Variants in TDP1 observed in about 807,000 individuals in gnomAD.
The protein encoded by TDP1 is tyrosyl-DNA phosphodiesterase 1.
In TDP1, 64 loss-of-function variants were observed where a neutral mutation model predicts 81.5. The ratio of observed to expected loss-of-function variants is 0.79; its 90% CI spans 0.64 to 0.97. The LOEUF (loss-of-function observed/expected upper bound fraction) is 0.97, where lower values mean the gene tolerates loss of function less well. Ranked by LOEUF, TDP1 falls within the 50% of genes least tolerant of loss-of-function variation. TDP1 has a pLI of 0.00. For missense variants in TDP1, 723 were observed against 743.8 expected (o/e 0.97, Z 0.33); for synonymous variants, 256 against 264.3 (o/e 0.97, Z 0.30).
intron 7 of TDP1, among the ~76,000 whole-genome samples, chr14:89,976,128 TGTG>T (rs1458051004): frequency 6.6e-6 from 1 of 152,174 alleles, no homozygotes; most frequent in African/African-American, 2.4e-5. Flanking sequence ...TTTTTCAAGA[TGTG>T]GTCTCACTCT....
Position 90,041,216 on chromosome 14 carries a change from G to A in TDP1, c.1754-1854G>A, listed in dbSNP as rs1277045743. Among the ~76,000 whole-genome samples, 4 of 152,330 alleles carry A rather than the reference G, an allele frequency of 2.6e-5. No homozygotes were observed. The East Asian group carries it at 5.8e-4, about 22-fold the overall frequency. On this transcript the variant is annotated intron_variant, in intron 16 of 16. Transcript: ENST00000335725. ...AGTCCAAGCACAGATGGAGTTTCCA[G>A]TGGAAGAGAGCAAGGGCTTGCTGAG...
chr14:90,028,558 T>G (rs1886911546), intron 15 of TDP1, among the ~76,000 whole-genome samples: 1 of 152,250 alleles, frequency 6.6e-6, no homozygotes, highest in South Asian at 2.1e-4. Context: ...AACTGTCTTC[T>G]AAGTATCTGT....
intron 3 of TDP1, among the ~76,000 whole-genome samples, chr14:89,965,402 T>C (rs752237340): frequency 1.3e-5 from 2 of 152,038 alleles, no homozygotes; most frequent in Non-Finnish European, 2.9e-5. Flanking sequence ...TCCTCCGATA[T>C]AAAATAGAAA....
Position 89,963,230 on chromosome 14 carries a change from G to T in TDP1, c.116G>T (p.Gly39Val). 1 of 1,614,140 alleles carries T rather than the reference G, an allele frequency of 6.2e-7. No individual in the cohort carries two copies. Among genetic ancestry groups the T allele is most frequent in the Non-Finnish European group, 8.5e-7 (1 of 1,180,028 alleles). ...STSSLLCARQGAANEPRYTCS... is the reference protein window; with the variant it reads ...STSSLLCARQVAANEPRYTCS... ...TCTTCTCTTCTCTGTGCCAGGCAAG[G>T]AGCAGCAAATGAGCCCAGGTACACC... The change falls in exon 3 of 17, where the codon GGA becomes GTA. Residue 39 changes from glycine (G) to valine (V), a missense_variant. By Grantham distance (109) the Gly-to-Val change is moderately radical. Coordinates refer to ENST00000335725, the MANE Select transcript of TDP1 (RefSeq NM_018319.4).
At chr14:89,985,092 A>G (rs749294436) in intron 9 of TDP1, 40 bp from the exon 10 acceptor site, 2 of 1,512,696 alleles carry the variant, frequency 1.3e-6, no homozygotes, top group Admixed American at 3.4e-5. Flanking sequence ...CCCAAAGCAC[A>G]TCACTATATT....
At chr14:89,985,770 T>G (rs893603294) in intron 10 of TDP1, among the ~76,000 whole-genome samples, 2 of 152,204 alleles carry the variant, frequency 1.3e-5, no homozygotes, top group Non-Finnish European at 2.9e-5. Flanking sequence ...GGCTCACGCC[T>G]GTAATCCCAG....
Position 89,985,139 on chromosome 14 carries a change from C to G in TDP1, c.1060C>G (p.Leu354Val). The part of the protein sequence containing the change: ...KHDLSETNVY[L>V]IGSTPGRFQG... ...GTTTTTATGTCTTTTTAGTGTTTAT[C>G]TTATTGGTTCAACCCCAGGACGCTT... The change falls in exon 10 of 17, where the codon CTT (leucine) becomes GTT (valine). Residue 354 changes from leucine to valine, a missense_variant. Coordinates refer to ENST00000335725, the MANE Select transcript of TDP1 (RefSeq NM_018319.4). 1 of 1,609,624 alleles carries G rather than the reference C, an allele frequency of 6.2e-7. No individual in the cohort carries two copies. The highest frequency in any genetic ancestry group is 8.5e-7 in the Non-Finnish European group (1 of 1,177,232).
chr14:90,026,850 A>C (rs1339773673), intron 15 of TDP1, among the ~76,000 whole-genome samples: 1 of 152,196 alleles, frequency 6.6e-6, no homozygotes, highest in Non-Finnish European at 1.5e-5. Context: ...TTCTTCATCC[A>C]GTCTATCATT....
Position 89,985,114 on chromosome 14 carries a change from G to A in TDP1, c.1053-18G>A. 1 of 1,591,868 alleles carries A rather than the reference G, an allele frequency of 6.3e-7. No individual in the cohort carries two copies. The highest frequency in any genetic ancestry group is 8.6e-7 in the Non-Finnish European group (1 of 1,162,564). ...CACATCACTATATTTTATAACTTGT[G>A]TTTTTATGTCTTTTTAGTGTTTATC... On this transcript the variant is annotated intron_variant, in intron 9 of 16. Transcript: ENST00000335725.
Position 90,043,920 on chromosome 14 carries a change from G to A in TDP1, c.*777G>A, listed in dbSNP as rs922062893. On this transcript the variant is annotated 3_prime_UTR_variant, in exon 17 of 17. Coordinates refer to ENST00000335725, the MANE Select transcript of TDP1 (RefSeq NM_018319.4). ...CACGATCATTTCCTTTTTCACCGAT[G>A]CCCTCTCTCAGCTTTCTGAGTACGT... 1 of 152,244 alleles carries A rather than the reference G, an allele frequency of 6.6e-6. No individual in the cohort carries two copies. Among genetic ancestry groups the A allele is most frequent in the African/African-American group, 2.4e-5 (1 of 41,438 alleles). The allele number at this position is 152,244 out of a possible 1,614,324, so 9.4% of individuals were successfully genotyped here. A position where few individuals can be genotyped will look rare whatever the true frequency, so the allele number is the denominator to read the frequency against.
chr14:89,992,901 A>C, intron 13 of TDP1: 1 of 983,874 alleles, frequency 1.0e-6, no homozygotes, highest in Non-Finnish European at 1.2e-6. Context: ...CATTTGACTA[A>C]AGTATTTCTG....
At chr14:90,042,334 C>G (rs913259349) in intron 16 of TDP1, among the ~76,000 whole-genome samples, 4 of 152,160 alleles carry the variant, frequency 2.6e-5, no homozygotes, top group Non-Finnish European at 5.9e-5. Context: ...CCTTTTCTGT[C>G]TGCCAGATAC....
At chr14:90,000,664 C>T (rs1418089898) in intron 14 of TDP1, among the ~76,000 whole-genome samples, 1 of 152,214 alleles carries the variant, frequency 6.6e-6, no homozygotes, top group Non-Finnish European at 1.5e-5. Flanking sequence ...GGATTATAGG[C>T]ATGAACTACT....
intron 15 of TDP1, among the ~76,000 whole-genome samples, chr14:90,029,515 T>TTTTG (rs1887038117): frequency 6.8e-6 from 1 of 146,172 alleles, no homozygotes; most frequent in African/African-American, 2.6e-5. Context: ...TTTTTTTTTT[T>TTTTG]GAGACAGAGT....
At chr14:90,021,289 G>A (rs953292541) in intron 15 of TDP1, among the ~76,000 whole-genome samples, 3 of 152,084 alleles carry the variant, frequency 2.0e-5, no homozygotes, top group Non-Finnish European at 4.4e-5. Flanking sequence ...TAAGATTTCA[G>A]CTTTATCATA....
chr14:89,985,146 G>T lies in TDP1; in HGVS notation c.1067G>T (p.Gly356Val). ...TGTCTTTTTAGTGTTTATCTTATTGGTTCAACCCCAGGACGCTTTCAAGGA... is the reference window on the plus strand; with the variant it reads ...TGTCTTTTTAGTGTTTATCTTATTGTTTCAACCCCAGGACGCTTTCAAGGA... The part of the protein sequence containing the change: ...DLSETNVYLI[G>V]STPGRFQGSQ... Residue 356 changes from glycine (G) to valine (V), a missense_variant, in exon 10 of 17, where the codon GGT becomes GTT. By Grantham distance (109) the Gly-to-Val change is moderately radical. Coordinates refer to ENST00000335725, the MANE Select transcript of TDP1 (RefSeq NM_018319.4). 1 of 1,611,012 alleles carries T rather than the reference G, an allele frequency of 6.2e-7. No individual in the cohort carries two copies. Among genetic ancestry groups the T allele is most frequent in the South Asian group, 1.1e-5 (1 of 90,726 alleles).
At chr14:90,020,747 G>C (rs1596667052) in intron 15 of TDP1, among the ~76,000 whole-genome samples, 1 of 143,066 alleles carries the variant, frequency 7.0e-6, no homozygotes, top group Non-Finnish European at 1.5e-5. Flanking sequence ...AGATGATTTA[G>C]CTGAGGGGTT....
chr14:89,985,277 TTA>T, intron 10 of TDP1, 67 bp downstream of exon 10: 1 of 910,448 alleles, frequency 1.1e-6, no homozygotes, highest in South Asian at 1.6e-5. Context: ...TTTAAAATAA[TTA>T]TATATTTTGA....
At chr14:89,963,087 G>A in intron 2 of TDP1, 21 bp from the exon 3 acceptor site, 1 of 1,614,076 alleles carries the variant, frequency 6.2e-7, no homozygotes, top group Non-Finnish European at 8.5e-7. Context: ...AAATGCTGAT[G>A]TTTCCACTTT....
Sources: gnomAD v4.1 joint callset for allele counts (sites outside exome capture counted in the v4.1 genomes callset) on GRCh38, gnomAD v4.1.1 for gene constraint, MANE v1.5 for transcripts, NCBI Gene and HGNC (gene_info 2026-07-23, HGNC 2026-07-21) for gene names.